Variants in ZC3H18 observed in about 807,000 individuals in gnomAD.
ZC3H18 encodes the protein zinc finger CCCH domain-containing protein 18.
A neutral mutation model predicts 106.1 loss-of-function variants in ZC3H18; 8 were observed. The ratio of observed to expected loss-of-function variants is 0.08; its 90% CI spans 0.04 to 0.14. The LOEUF (loss-of-function observed/expected upper bound fraction) is 0.14. ZC3H18 is among the 10% of genes least tolerant of loss of function. The pLI, the probability that ZC3H18 is intolerant of heterozygous loss-of-function variation, is 1.00. For missense variants in ZC3H18, 1,318 were observed against 1,278.4 expected (o/e 1.03, Z -0.47); for synonymous variants, 635 against 522.1 (o/e 1.22, Z -2.95).
chr16:88,578,718 A>G (rs1597319881), intron 2 of ZC3H18, among the ~76,000 whole-genome samples: 1 of 151,822 alleles, frequency 6.6e-6, no homozygotes, highest in Non-Finnish European at 1.5e-5. Context: ...TGAGAGAGAG[A>G]GTCTACCCTG....
At position 88,622,317 on chromosome 16, in the gene ZC3H18, G is replaced by A. The variant is rs114815461; in HGVS notation, c.1596G>A (p.Ser532=). 122 of 1,613,708 alleles carry A rather than the reference G, an allele frequency of 7.6e-5. No homozygotes were observed. Among genetic ancestry groups the A allele is most frequent in the African/African-American group, 7.1e-4 (53 of 75,026 alleles). Residue 532 remains serine, a synonymous_variant, in exon 9 of 18, where the codon TCG becomes TCA. Transcript: ENST00000301011. ...CTCCCAAGAAGAAACTCGGGGTGTC[G>A]GTCTCCCCGAGCCGGGCTCGAAGGC... ...SKSPKKKLGV[S]VSPSRARRRR... is the part of the protein sequence containing the mutation.
intron 16 of ZC3H18, among the ~76,000 whole-genome samples, chr16:88,629,910 G>C (rs1386773803): frequency 6.6e-6 from 1 of 152,236 alleles, no homozygotes; most frequent in East Asian, 1.9e-4. Flanking sequence ...TCGGACACAG[G>C]AAGAGGAAGC....
At chr16:88,623,477 G>C in intron 10 of ZC3H18, 133 bp downstream of exon 10, 1 of 1,265,444 alleles carries the variant, frequency 7.9e-7, no homozygotes, top group Non-Finnish European at 1.1e-6. Context: ...AACTAGGATG[G>C]CCAGGGGGTC....
In ZC3H18 at chr16:88,631,635, C is replaced by G. The variant is rs1440469256; in HGVS notation, c.*336C>G. 2.1e-6 allele frequency: 1 copy of G among 479,362 alleles called. No homozygotes were observed. Among genetic ancestry groups the G allele is most frequent in the African/African-American group, 2.0e-5 (1 of 50,964 alleles). The allele number at this position is 479,362 out of a possible 1,614,324, so 29.7% of individuals were successfully genotyped here. On this transcript the variant is annotated 3_prime_UTR_variant, in exon 18 of 18. Coordinates refer to ENST00000301011, the MANE Select transcript of ZC3H18 (RefSeq NM_144604.4). ...TGGCCCTGGTCAGGCCTGTGGAGCC[C>G]CAGCTCTGGGTCCCTAGCCCGGGTC...
chr16:88,603,888 C>T (rs1057357805), intron 6 of ZC3H18, among the ~76,000 whole-genome samples: 19 of 151,576 alleles, frequency 1.3e-4, no homozygotes, highest in East Asian at 2.0e-4. Context: ...CGGCCTTGGC[C>T]TCCCAAAGTG....
Position 88,631,444 on chromosome 16 carries a change from A to G in ZC3H18, c.*145A>G, listed in dbSNP as rs529366498. The G allele has an allele frequency of 8.5e-7, 1 of 1,175,474 alleles. No individual in the cohort carries two copies. Among genetic ancestry groups the G allele is most frequent in the Non-Finnish European group, 1.2e-6 (1 of 836,946 alleles). 72.8% of individuals were successfully genotyped at this position (1,175,474 alleles called of 1,614,324 possible). On this transcript the variant is annotated 3_prime_UTR_variant, in exon 18 of 18. Coordinates refer to ENST00000301011, the MANE Select transcript of ZC3H18 (RefSeq NM_144604.4). ...AAGTTTCTCAGCTGGAAAAGAAGCC[A>G]CACAGGAAATGACAACGACGCTGAA...
At chr16:88,600,492 A>T (rs185613718) in intron 6 of ZC3H18, among the ~76,000 whole-genome samples, 237 of 152,226 alleles carry the variant, frequency 1.6e-3, no homozygotes, top group Non-Finnish European at 2.3e-3. Flanking sequence ...GGCTCACTGC[A>T]ACCTCCGCCT....
intron 1 of ZC3H18, among the ~76,000 whole-genome samples, chr16:88,574,831 CTTT>C (rs766351268): frequency 2.9e-5 from 4 of 137,008 alleles, no homozygotes; most frequent in Admixed American, 7.4e-5. Context: ...TCTAATGTAT[CTTT>C]TTTTTTTTTT....
At chr16:88,608,694 C>T in intron 6 of ZC3H18, 1 of 279,268 alleles carries the variant, frequency 3.6e-6, no homozygotes, top group Non-Finnish European at 6.8e-6. Context: ...TATTTTTTAT[C>T]AAAAAGGCTA....
chr16:88,611,272 G>T lies in ZC3H18; in HGVS notation c.1211G>T (p.Arg404Met). The change falls in exon 8 of 18, where the codon AGG (arginine) becomes ATG (methionine). Residue 404 changes from arginine to methionine, a missense_variant. Physicochemically the swap from Arg to Met is moderately conservative, Grantham distance 91. Around this residue, in one of 6 missense-constraint regions of ZC3H18, gnomAD observed 848 missense variants for 821.7 expected, o/e 1.03. Transcript: ENST00000301011. ...ETEPYHNYRE[R>M]ERERERENRQ... ...GTGTTTGGCTTTTTAACAAAGGAAA[G>T]GGAGCGGGAGCGAGAGAGAGAGAAC... 1.3e-6 allele frequency: 1 copy of T among 768,460 alleles called. No individual in the cohort carries two copies. Among genetic ancestry groups the T allele is most frequent in the South Asian group, 1.4e-5 (1 of 73,474 alleles). 47.6% of individuals were successfully genotyped at this position (768,460 alleles called of 1,614,324 possible). A position where few individuals can be genotyped will look rare whatever the true frequency, so the allele number is the denominator to read the frequency against.
At chr16:88,606,056 C>T (rs756537754) in intron 6 of ZC3H18, among the ~76,000 whole-genome samples, 1 of 152,208 alleles carries the variant, frequency 6.6e-6, no homozygotes, top group Non-Finnish European at 1.5e-5. Context: ...GAACGAGGTG[C>T]GAGCCTCCCA....
At chr16:88,592,866 CTT>C (rs781459537) in intron 3 of ZC3H18, among the ~76,000 whole-genome samples, 5 of 149,386 alleles carry the variant, frequency 3.3e-5, no homozygotes, top group African/African-American at 4.9e-5. Flanking sequence ...AAATCTTACA[CTT>C]GTGTACAGAT....
intron 2 of ZC3H18, among the ~76,000 whole-genome samples, chr16:88,579,773 G>A (rs750824054): frequency 2.3e-4 from 35 of 152,122 alleles, no homozygotes; most frequent in Non-Finnish European, 4.6e-4. Flanking sequence ...TGGCAAACGG[G>A]GAGGCAGGTT....
rs115059595 is a variant in ZC3H18 at position 88,631,155 on chromosome 16, C to G, written c.2718C>G (p.Pro906=). ...GCTCCAGCAAGGTCACGAGCGTGCC[C>G]GGCAAAGCCTCGGATCCCGGCGCCG... The part of the protein sequence containing the change: ...SKSSSKVTSV[P]GKASDPGAAS... Residue 906 remains proline, a synonymous_variant, in exon 18 of 18, where the codon CCC becomes CCG. Coordinates refer to ENST00000301011, the MANE Select transcript of ZC3H18 (RefSeq NM_144604.4). The G allele has an allele frequency of 2.5e-6, 4 of 1,613,412 alleles. No individual in the cohort carries two copies. Among genetic ancestry groups the G allele is most frequent in the Non-Finnish European group, 2.5e-6 (3 of 1,180,014 alleles).
rs1035476963 is a variant in ZC3H18 at position 88,611,375 on chromosome 16, G to GGAGCGC, written c.1323_1328dup (p.Glu441_Arg442dup). The GGAGCGC allele has an allele frequency of 2.6e-5, 27 of 1,041,984 alleles. 1 individual carries two copies. Among genetic ancestry groups the GGAGCGC allele is most frequent in the Admixed American group, 2.2e-4 (11 of 50,312 alleles). The allele number at this position is 1,041,984 out of a possible 1,614,324, so 64.5% of individuals were successfully genotyped here. ...GGCAGAGGGAGCGCGAGCGAGAGCGGGAGCGCGAGCGCGACAAGGAGCGGC... is the reference window on the plus strand; with the variant it reads ...GGCAGAGGGAGCGCGAGCGAGAGCGGGAGCGCGAGCGCGAGCGCGACAAGGAGCGGC... On this transcript the variant is annotated inframe_insertion, in exon 8 of 18. Transcript: ENST00000301011.
intron 11 of ZC3H18, chr16:88,624,327 G>A (rs1390127296): frequency 1.5e-6 from 1 of 652,752 alleles, no homozygotes; most frequent in Non-Finnish European, 2.6e-6. Flanking sequence ...TGTTCTTAAG[G>A]GGTCTTCCTA....
intron 1 of ZC3H18, among the ~76,000 whole-genome samples, chr16:88,570,776 C>T (rs1168933807): frequency 6.6e-6 from 1 of 152,084 alleles, no homozygotes; most frequent in African/African-American, 2.4e-5. Flanking sequence ...GTAAGCCGGC[C>T]CCGCGGTCCT....
chr16:88,588,715 T>C (rs1915575820), intron 3 of ZC3H18, among the ~76,000 whole-genome samples: 1 of 152,078 alleles, frequency 6.6e-6, no homozygotes, highest in African/African-American at 2.4e-5. Context: ...ACCTTGTCTC[T>C]ACAAAAAATG....
At chr16:88,618,371 G>A (rs1356544078) in intron 8 of ZC3H18, among the ~76,000 whole-genome samples, 1 of 152,236 alleles carries the variant, frequency 6.6e-6, no homozygotes, top group East Asian at 1.9e-4. Context: ...AGCTGCCTCT[G>A]AGCAGGCTCA....
Sources: gnomAD v4.1 joint callset for allele counts (sites outside exome capture counted in the v4.1 genomes callset) on GRCh38, gnomAD v4.1.1 for gene constraint, gnomAD v4.1.1 regional missense constraint, MANE v1.5 for transcripts, NCBI Gene and HGNC (gene_info 2026-07-23, HGNC 2026-07-21) for gene names.